The following MUC5AC variants were observed in gnomAD, a reference collection of about 807,000 sequenced individuals.
MUC5AC encodes mucin 5AC, oligomeric mucus/gel-forming, also known as mucin-5AC.
MUC5AC carries 158 observed loss-of-function variants against 169.7 expected under a neutral mutation model. The ratio of observed to expected loss-of-function variants is 0.93; its 90% CI spans 0.82 to 1.06. The LOEUF (loss-of-function observed/expected upper bound fraction) is 1.06. Ranked by LOEUF, MUC5AC falls within the 50% of genes least tolerant of loss-of-function variation. MUC5AC has a pLI of 0.00. For synonymous variants in MUC5AC, 1,975 were observed against 1,237.0 expected (o/e 1.60, Z -12.52); for missense variants, 4,359 against 3,089.9 (o/e 1.41, Z -9.74).
At position 1,176,262 on chromosome 11, in the gene MUC5AC, G is replaced by A. The variant is rs1260145069; in HGVS notation, c.2502+11G>A. The A allele has an allele frequency of 5.0e-6, 2 of 398,586 alleles. No homozygotes were observed. Among genetic ancestry groups the A allele is most frequent in the African/African-American group, 4.1e-5 (2 of 48,626 alleles). The allele number at this position is 398,586 out of a possible 1,614,324, so 24.7% of individuals were successfully genotyped here. On this transcript the variant is annotated intron_variant, in intron 20 of 48. Transcript: ENST00000621226. Reference sequence around the variant, plus strand: ...CTGGACATGACCTGTGTAAGTCCCTGAGGACTCCCCAATGACAGACCCTCC... The same window carrying A: ...CTGGACATGACCTGTGTAAGTCCCTAAGGACTCCCCAATGACAGACCCTCC...
chr11:1,164,242 A>T lies in MUC5AC; in HGVS notation c.926A>T (p.His309Leu). Residue 309 changes from histidine to leucine, a missense_variant, in exon 8 of 49, where the codon CAC (histidine) becomes CTC (leucine). Coordinates refer to ENST00000621226, the MANE Select transcript of MUC5AC (RefSeq NM_001304359.2). The part of the protein sequence containing the change: ...EDTDLLSCVC[H>L]TLAEYSRQCT... ...ACCGACCTGCTCAGCTGCGTCTGCC[A>T]CACCCTTGCCGAGTACTCCCGGCAG... 6.2e-7 allele frequency: 1 copy of T among 1,612,646 alleles called. No individual in the cohort carries two copies. The highest frequency in any genetic ancestry group is 8.5e-7 in the Non-Finnish European group (1 of 1,179,874).
At chr11:1,176,057 G>T in intron 19 of MUC5AC, 94 bp from the exon 20 acceptor site, 1 of 398,190 alleles carries the variant, frequency 2.5e-6, no homozygotes, top group East Asian at 3.6e-5. Flanking sequence ...CACTCAATGT[G>T]CACGCACATG....
chr11:1,163,226 A>G (rs575448711), intron 6 of MUC5AC, among the ~76,000 whole-genome samples, 181 bp downstream of exon 6: 26 of 152,358 alleles, frequency 1.7e-4, no homozygotes, highest in African/African-American at 6.0e-4. Context: ...GGCCTGTCTC[A>G]GGAGTGCAGG....
chr11:1,188,645 C>T lies in MUC5AC; in HGVS notation c.10500C>T (p.Thr3500=). 1.3e-6 allele frequency: 1 copy of T among 765,028 alleles called. No homozygotes were observed. Among genetic ancestry groups the T allele is most frequent in the Non-Finnish European group, 2.4e-6 (1 of 417,816 alleles). The allele number at this position is 765,028 out of a possible 1,614,324, so 47.4% of individuals were successfully genotyped here. A position where few individuals can be genotyped will look rare whatever the true frequency, so the allele number is the denominator to read the frequency against. The change falls in exon 31 of 49, where the codon ACC becomes ACT. Residue 3500 remains threonine (T), a synonymous_variant. Transcript: ENST00000621226. ...CCAGCACAGCCTCTGTTTCAAAGAC[C>T]AGCACAAGCCATGTTTCTGTATCCA... ...TTTSTASVSK[T]STSHVSVSKT...
chr11:1,175,930 CACT>C, intron 19 of MUC5AC, among the ~76,000 whole-genome samples: 1 of 102,160 alleles, frequency 9.8e-6, no homozygotes, highest in Non-Finnish European at 2.3e-5. Context: ...CATGCACACA[CACT>C]CATACTCATG....
intron 33 of MUC5AC, among the ~76,000 whole-genome samples, chr11:1,193,887 G>A (rs989127763): frequency 8.5e-5 from 13 of 152,256 alleles, no homozygotes; most frequent in African/African-American, 3.1e-4. Context: ...TGGAGAAGGT[G>A]GAGGAGTCTG....
chr11:1,195,281 T>C lies in MUC5AC; in HGVS notation c.15458+2T>C. 1 of 760,536 alleles carries C rather than the reference T, an allele frequency of 1.3e-6. No homozygotes were observed. The highest frequency in any genetic ancestry group is 2.4e-6 in the Non-Finnish European group (1 of 414,258). 47.1% of individuals were successfully genotyped at this position (760,536 alleles called of 1,614,324 possible). A position where few individuals can be genotyped will look rare whatever the true frequency, so the allele number is the denominator to read the frequency against. ...CATCTGCCAGCTGATTCTGAGCAAG[T>C]GAGACTTGGGTGCAAGGGAGGGAGG... On this transcript the variant is annotated splice_donor_variant, in intron 36 of 48. Coordinates refer to ENST00000621226, the MANE Select transcript of MUC5AC (RefSeq NM_001304359.2). LOFTEE classifies it high-confidence loss of function.
Position 1,196,660 on chromosome 11 carries a change from C to G in MUC5AC, c.15769C>G (p.Pro5257Ala), listed in dbSNP as rs772299060. 2 of 762,636 alleles carry G rather than the reference C, an allele frequency of 2.6e-6. No individual in the cohort carries two copies. Among genetic ancestry groups the G allele is most frequent in the Non-Finnish European group, 4.8e-6 (2 of 416,946 alleles). 47.2% of individuals were successfully genotyped at this position (762,636 alleles called of 1,614,324 possible). The stretch of plus-strand genomic sequence containing the variant: ...CCCCATCACCGAAGGCTGCTTCTGT[C>G]CGGAGGGCATGACCCTCTTCAGCAC... ...AGPITEGCFCPEGMTLFSTSA... is the reference protein window; with the variant it reads ...AGPITEGCFCAEGMTLFSTSA... The change falls in exon 39 of 49, where the codon CCG (proline) becomes GCG (alanine). Residue 5257 changes from proline (P) to alanine (A), a missense_variant. By Grantham distance (27) the Pro-to-Ala change is conservative. Coordinates refer to ENST00000621226, the MANE Select transcript of MUC5AC (RefSeq NM_001304359.2).
intron 2 of MUC5AC, 127 bp from the exon 3 acceptor site, chr11:1,161,400 G>T: frequency 1.5e-6 from 1 of 666,434 alleles, no homozygotes; most frequent in Non-Finnish European, 2.4e-6. Context: ...CCAACACGCA[G>T]CAGAATCCGG....
chr11:1,174,712 C>T (rs1860630919), intron 17 of MUC5AC, 90 bp downstream of exon 17: 7 of 577,414 alleles, frequency 1.2e-5, no homozygotes. Context: ...CTCTAAGGGC[C>T]CCCGTCCTCT....
chr11:1,197,587 G>A lies in MUC5AC; in HGVS notation c.15981G>A (p.Val5327=), dbSNP rs562203183. The change falls in exon 41 of 49, where the codon GTG becomes GTA. Residue 5327 remains valine (V), a synonymous_variant. Transcript: ENST00000621226. The part of the protein sequence containing the change: ...LPPACPLPGF[V]PVPAAPQAGQ... ...CTGCCTGCCCCCTGCCCGGCTTCGT[G>A]CCTGTGCCTGCAGCCCCACAGGCCG... 10 of 724,660 alleles carry A rather than the reference G, an allele frequency of 1.4e-5. No individual in the cohort carries two copies. The highest frequency in any genetic ancestry group is 1.3e-4 in the South Asian group (9 of 69,012). 44.9% of individuals were successfully genotyped at this position (724,660 alleles called of 1,614,324 possible).
At chr11:1,171,811 C>T (rs924815551) in intron 15 of MUC5AC, among the ~76,000 whole-genome samples, 5 of 148,416 alleles carry the variant, frequency 3.4e-5, no homozygotes, top group Admixed American at 3.4e-4. Flanking sequence ...CATCCATTCA[C>T]TCACTCACCC....
chr11:1,196,088 C>T (rs189411991), intron 37 of MUC5AC, 34 bp downstream of exon 37: 173 of 749,538 alleles, frequency 2.3e-4, no homozygotes, highest in South Asian at 1.4e-3. Context: ...GGTCCCAAGT[C>T]GCTTGTGAGG....
intron 12 of MUC5AC, 105 bp from the exon 13 acceptor site, chr11:1,168,377 GC>G: frequency 9.2e-7 from 1 of 1,092,746 alleles, no homozygotes; most frequent in Non-Finnish European, 1.4e-6. Flanking sequence ...AGCCGCAGCT[GC>G]AGGGAAAGGC....
chr11:1,178,330 G>T (rs1860734491), intron 24 of MUC5AC, 114 bp from the exon 25 acceptor site: 1 of 355,122 alleles, frequency 2.8e-6, no homozygotes. Context: ...TGGGTGGGAG[G>T]AGGCGGCCGC....
rs1331481584 is a variant in MUC5AC, at chr11:1,187,760, C to G, written c.9615C>G (p.Ser3205Arg). 5.2e-6 allele frequency: 4 copies of G among 765,060 alleles called. No homozygotes were observed. Among genetic ancestry groups the G allele is most frequent in the Non-Finnish European group, 9.6e-6 (4 of 417,886 alleles). 47.4% of individuals were successfully genotyped at this position (765,060 alleles called of 1,614,324 possible). Residue 3205 changes from serine (S) to arginine (R), a missense_variant, in exon 31 of 49, where the codon AGC becomes AGG. Coordinates refer to ENST00000621226, the MANE Select transcript of MUC5AC (RefSeq NM_001304359.2). ...CCTCTGTTTCAAAGACCAGCACAAG[C>G]CATGTTTCCATATCCAAGACAACCC... The part of the protein sequence containing the change: ...STASVSKTST[S>R]HVSISKTTHS...
Position 1,177,591 on chromosome 11 carries a change from CAAG to C in MUC5AC, c.3050_3052del (p.Lys1017del), listed in dbSNP as rs1860718282. 3 of 398,664 alleles carry C rather than the reference CAAG, an allele frequency of 7.5e-6. No individual in the cohort carries two copies. The highest frequency in any genetic ancestry group is 1.3e-5 in the Non-Finnish European group (3 of 226,196). The allele number at this position is 398,664 out of a possible 1,614,324, so 24.7% of individuals were successfully genotyped here. A position where few individuals can be genotyped will look rare whatever the true frequency, so the allele number is the denominator to read the frequency against. ...ACATTGGCCTGGTGCTGCTGTGGGA[CAAG>C]AAGACCAGCATCTTCATCAACCTCA... On this transcript the variant is annotated inframe_deletion, in exon 24 of 49. Transcript: ENST00000621226.
In MUC5AC at chr11:1,197,973, G is replaced by A. The variant is rs1387172383; in HGVS notation, c.16104G>A (p.Gln5368=). 4.1e-6 allele frequency: 3 copies of A among 730,914 alleles called. No individual in the cohort carries two copies. Among genetic ancestry groups the A allele is most frequent in the Middle Eastern group, 2.6e-4 (1 of 3,780 alleles). 45.3% of individuals were successfully genotyped at this position (730,914 alleles called of 1,614,324 possible). A position where few individuals can be genotyped will look rare whatever the true frequency, so the allele number is the denominator to read the frequency against. Residue 5368 remains glutamine, a synonymous_variant, in exon 42 of 49, where the codon CAG becomes CAA. Coordinates refer to ENST00000621226, the MANE Select transcript of MUC5AC (RefSeq NM_001304359.2). ...PEGARAIPTY[Q]EGACCPVQNC... ...GCGCCCGCGCGATCCCGACCTACCA[G>A]GAGGGGGCCTGCTGCCCAGTCCAAA...
rs1861015135 is a variant in MUC5AC at position 1,188,786 on chromosome 11, C to G, written c.10641C>G (p.Tyr3547Ter). ...PGPHGGDKET[Y>*]NNIIRSGEKI... is the part of the protein sequence containing the mutation. ...CCCACGGTGGGGACAAGGAAACCTA[C>G]AACAACATCATCAGGAGTGGGGAAA... Residue 3547 changes from tyrosine (Y) to a stop codon, truncating the protein, a stop_gained, in exon 31 of 49, where the codon TAC (tyrosine) becomes TAG (stop). Coordinates refer to ENST00000621226, the MANE Select transcript of MUC5AC (RefSeq NM_001304359.2). LOFTEE classifies it high-confidence loss of function. The G allele has an allele frequency of 9.3e-6, 7 of 753,656 alleles. No homozygotes were observed. Among genetic ancestry groups the G allele is most frequent in the Non-Finnish European group, 1.5e-5 (6 of 411,410 alleles). The allele number at this position is 753,656 out of a possible 1,614,324, so 46.7% of individuals were successfully genotyped here.
Sources: allele counts gnomAD v4.1 joint callset (sites outside exome capture counted in the v4.1 genomes callset), GRCh38; gene constraint gnomAD v4.1.1; transcripts MANE v1.5; gene names NCBI Gene and HGNC (gene_info 2026-07-23, HGNC 2026-07-21).